SNTG2: variants seen among roughly 807,000 people sequenced by gnomAD.
The protein encoded by SNTG2 is syntrophin gamma 2.
A neutral mutation model predicts 70.9 loss-of-function variants in SNTG2; 74 were observed. That is an observed-to-expected ratio of 1.04 (90% CI 0.86 to 1.27). The LOEUF (loss-of-function observed/expected upper bound fraction) is 1.27. Ranked by LOEUF, SNTG2 falls within the 50% of genes most tolerant of loss-of-function variation. The probability of loss-of-function intolerance (pLI) is 0.00; values close to 1 mark genes in which losing one functional copy is unlikely to be tolerated. For missense variants in SNTG2, 717 were observed against 690.7 expected, an observed-to-expected ratio of 1.04 and a Z score of -0.43; for synonymous variants, 278 against 273.8, an observed-to-expected ratio of 1.02 and a Z score of -0.15.
chr2:1,231,836 G>T (rs992007018), intron 9 of SNTG2, among the ~76,000 whole-genome samples: 2 of 152,094 alleles, frequency 1.3e-5, no homozygotes, highest in African/African-American at 4.8e-5. Context: ...AAACACTCAC[G>T]TGTGCCTACT....
chr2:1,085,954 T>C (rs1025109041), intron 2 of SNTG2, among the ~76,000 whole-genome samples: 2 of 152,232 alleles, frequency 1.3e-5, no homozygotes, highest in Non-Finnish European at 2.9e-5. Context: ...TCACGGTAGA[T>C]TTGCAGTTGG....
chr2:1,072,256 A>T lies in SNTG2; in HGVS notation c.73-11262A>T, dbSNP rs1301126159. ...CTTTGAATTTTCAAAGGACAAGCTGACTCTCTGACTCTCTTATTCTGGGCT... is the reference window on the plus strand; with the variant it reads ...CTTTGAATTTTCAAAGGACAAGCTGTCTCTCTGACTCTCTTATTCTGGGCT... On this transcript the variant is annotated intron_variant, in intron 1 of 16. Coordinates refer to ENST00000308624, the MANE Select transcript of SNTG2 (RefSeq NM_018968.4). Among the ~76,000 whole-genome samples the T allele has an allele frequency of 2.0e-5, 3 of 150,410 alleles. No individual in the cohort carries two copies. In the East Asian group the frequency reaches 5.8e-4, roughly 29 times the overall value.
intron 1 of SNTG2, among the ~76,000 whole-genome samples, chr2:1,034,112 T>C (rs116776288): frequency 1.2e-3 from 177 of 152,194 alleles, no homozygotes; most frequent in African/African-American, 4.0e-3. Flanking sequence ...GTAGCATTTT[T>C]TTTCTGATCT....
chr2:1,116,591 C>T (rs1490449861), intron 4 of SNTG2, among the ~76,000 whole-genome samples: 2 of 143,994 alleles, frequency 1.4e-5, no homozygotes, highest in East Asian at 4.3e-4. Context: ...TACGGGTGCC[C>T]CGGTGTTCGG....
At chr2:1,150,290 C>T (rs1419916447) in intron 6 of SNTG2, among the ~76,000 whole-genome samples, 1 of 152,298 alleles carries the variant, frequency 6.6e-6, no homozygotes, top group East Asian at 1.9e-4. Flanking sequence ...GCAGTGCTAA[C>T]AAGCATCTTA....
At chr2:1,157,102 T>A (rs911344595) in intron 6 of SNTG2, among the ~76,000 whole-genome samples, 1 of 152,216 alleles carries the variant, frequency 6.6e-6, no homozygotes, top group South Asian at 2.1e-4. Flanking sequence ...CATTACTGTT[T>A]AGCAGAAATA....
chr2:1,001,841 A>G (rs1463187656), intron 1 of SNTG2, among the ~76,000 whole-genome samples: 1 of 152,168 alleles, frequency 6.6e-6, no homozygotes, highest in African/African-American at 2.4e-5. Context: ...AGCTGGAGGT[A>G]TCACATTACC....
At chr2:964,633 C>G (rs1474527295) in intron 1 of SNTG2, among the ~76,000 whole-genome samples, 1 of 152,142 alleles carries the variant, frequency 6.6e-6, no homozygotes, top group Non-Finnish European at 1.5e-5. Flanking sequence ...ACAGGACAAG[C>G]CTTTGAAAGC....
At chr2:1,155,773 T>C (rs1163347549) in intron 6 of SNTG2, among the ~76,000 whole-genome samples, 18 of 152,026 alleles carry the variant, frequency 1.2e-4, no homozygotes, top group Non-Finnish European at 1.5e-5. Context: ...GTGCCAGCTT[T>C]TGAGGTGGGC....
chr2:1,276,797 C>G (rs1679287329), intron 14 of SNTG2, among the ~76,000 whole-genome samples: 1 of 152,192 alleles, frequency 6.6e-6, no homozygotes, highest in Non-Finnish European at 1.5e-5. Context: ...AAAGGATTCA[C>G]CACCCTAGAT....
intron 8 of SNTG2, among the ~76,000 whole-genome samples, chr2:1,183,230 C>T (rs1172254717): frequency 7.2e-6 from 1 of 139,708 alleles, no homozygotes; most frequent in East Asian, 2.8e-4. Context: ...ATGCTCATAA[C>T]ACAATGTTGC....
rs144198167 is a variant in SNTG2, at chr2:1,196,944, C to T, written c.592-12159C>T. Among the ~76,000 whole-genome samples the T allele has an allele frequency of 1.2e-3, 185 of 152,146 alleles. 1 individual carries two copies. Among genetic ancestry groups the T allele is most frequent in the African/African-American group, 4.0e-3 (167 of 41,540 alleles). On this transcript the variant is annotated intron_variant, in intron 8 of 16. Coordinates refer to ENST00000308624, the MANE Select transcript of SNTG2 (RefSeq NM_018968.4). ...CATGAAAAAACATGAAAGTTTAAAACTCATTGGTAGAGCAGACAAGTAAAT... is the reference window on the plus strand; with the variant it reads ...CATGAAAAAACATGAAAGTTTAAAATTCATTGGTAGAGCAGACAAGTAAAT...
At chr2:1,293,781 C>G (rs1680087122) in intron 14 of SNTG2, among the ~76,000 whole-genome samples, 1 of 152,112 alleles carries the variant, frequency 6.6e-6, no homozygotes, top group Non-Finnish European at 1.5e-5. Flanking sequence ...TGGAGCGAAC[C>G]TTGTAAAGTA....
At chr2:1,161,861 T>G (rs943894725) in intron 6 of SNTG2, among the ~76,000 whole-genome samples, 13 of 152,000 alleles carry the variant, frequency 8.6e-5, no homozygotes, top group African/African-American at 3.1e-4. Context: ...GATCACGAGG[T>G]CAGGAGATCG....
chr2:1,266,207 G>GAC (rs1464216821), intron 13 of SNTG2, among the ~76,000 whole-genome samples: 5 of 152,162 alleles, frequency 3.3e-5, no homozygotes, highest in Non-Finnish European at 7.4e-5. Flanking sequence ...CAGAGACAGA[G>GAC]AGGTGCCAGC....
At chr2:996,105 A>G (rs1402513711) in intron 1 of SNTG2, among the ~76,000 whole-genome samples, 1 of 152,210 alleles carries the variant, frequency 6.6e-6, no homozygotes, top group African/African-American at 2.4e-5. Context: ...GTGACTGACC[A>G]TAAACAAACA....
intron 8 of SNTG2, among the ~76,000 whole-genome samples, chr2:1,195,621 A>G (rs962849402): frequency 6.6e-6 from 1 of 152,182 alleles, no homozygotes; most frequent in African/African-American, 2.4e-5. Flanking sequence ...TCTGGATATT[A>G]GCCCTTTGTC....
intron 1 of SNTG2, among the ~76,000 whole-genome samples, chr2:956,053 C>T (rs1660132451): frequency 6.8e-6 from 1 of 146,578 alleles, no homozygotes; most frequent in African/African-American, 2.6e-5. Flanking sequence ...GCCCCTGCCC[C>T]TGCCCCTACC....
At chr2:1,035,786 A>G (rs1379941334) in intron 1 of SNTG2, among the ~76,000 whole-genome samples, 4 of 152,040 alleles carry the variant, frequency 2.6e-5, no homozygotes, top group Non-Finnish European at 5.9e-5. Context: ...GTATATTTGC[A>G]TTTATCTTCA....
Sources: gnomAD v4.1 joint callset for allele counts (sites outside exome capture counted in the v4.1 genomes callset) on GRCh38, gnomAD v4.1.1 for gene constraint, MANE v1.5 for transcripts, NCBI Gene and HGNC (gene_info 2026-07-23, HGNC 2026-07-21) for gene names.